PCOLCE2: variants seen among roughly 807,000 people sequenced by gnomAD.
PCOLCE2 encodes procollagen C-proteinase enhancer 2.
In PCOLCE2, 42 loss-of-function variants were observed where a neutral mutation model predicts 47.0. The ratio of observed to expected loss-of-function variants is 0.89; its 90% CI spans 0.70 to 1.16. The LOEUF is 1.16. Among genes scored for constraint, PCOLCE2 ranks in the 50% most tolerant of loss-of-function variants. The pLI, the probability that PCOLCE2 is intolerant of heterozygous loss-of-function variation, is 0.00. For missense variants in PCOLCE2, 500 were observed against 526.1 expected (o/e 0.95, Z 0.49); for synonymous variants, 169 against 191.7 (o/e 0.88, Z 0.98).
At chr3:142,855,021 T>C (rs1024470408) in intron 2 of PCOLCE2, among the ~76,000 whole-genome samples, 4 of 152,206 alleles carry the variant, frequency 2.6e-5, no homozygotes, top group Non-Finnish European at 4.4e-5. Context: ...TCCGAGCTGG[T>C]TCCCACCTAA....
intron 2 of PCOLCE2, among the ~76,000 whole-genome samples, chr3:142,885,759 G>A (rs979139551): frequency 1.3e-5 from 2 of 152,050 alleles, no homozygotes; most frequent in South Asian, 2.1e-4. Context: ...CATCTTCCAC[G>A]CAGACACCAG....
intron 5 of PCOLCE2, among the ~76,000 whole-genome samples, chr3:142,833,857 T>C (rs1937177221): frequency 6.6e-6 from 1 of 152,208 alleles, no homozygotes; most frequent in Admixed American, 6.5e-5. Flanking sequence ...ATATATGTTA[T>C]AAATATGTTT....
At chr3:142,827,344 A>G in intron 6 of PCOLCE2, 1 of 1,469,326 alleles carries the variant, frequency 6.8e-7, no homozygotes, top group Non-Finnish European at 9.5e-7. Context: ...TGGGTTTGTC[A>G]GTTCGGCCAC....
intron 2 of PCOLCE2, among the ~76,000 whole-genome samples, chr3:142,863,533 A>T (rs970186892): frequency 6.6e-6 from 1 of 152,152 alleles, no homozygotes; most frequent in African/African-American, 2.4e-5. Context: ...AAGAGAAAAC[A>T]ACGTCTGAGG....
intron 6 of PCOLCE2, chr3:142,827,691 T>TGG: frequency 8.4e-7 from 1 of 1,186,898 alleles, no homozygotes; most frequent in Non-Finnish European, 1.2e-6. Flanking sequence ...AAGACCACCT[T>TGG]GGGGAGGGGC....
chr3:142,884,382 A>G (rs191293182), intron 2 of PCOLCE2, among the ~76,000 whole-genome samples: 174 of 152,280 alleles, frequency 1.1e-3, no homozygotes, highest in Non-Finnish European at 6.6e-4. Context: ...AGGATTATAT[A>G]TACCTTAGCT....
intron 6 of PCOLCE2, among the ~76,000 whole-genome samples, chr3:142,826,165 C>T (rs773470421): frequency 3.3e-5 from 5 of 152,034 alleles, no homozygotes; most frequent in African/African-American, 4.8e-5. Context: ...CCACCACGCC[C>T]GGCTAATTTT....
chr3:142,885,218 T>C (rs1933697156), intron 2 of PCOLCE2, among the ~76,000 whole-genome samples: 2 of 152,230 alleles, frequency 1.3e-5, no homozygotes, highest in African/African-American at 2.4e-5. Context: ...GAAAACCATT[T>C]AGCGGTGAAA....
chr3:142,858,124 G>A (rs1353669241), intron 2 of PCOLCE2, among the ~76,000 whole-genome samples: 2 of 152,166 alleles, frequency 1.3e-5, no homozygotes, highest in African/African-American at 4.8e-5. Flanking sequence ...CTGGGGGGAT[G>A]TTATCTTCCC....
intron 2 of PCOLCE2, among the ~76,000 whole-genome samples, chr3:142,868,958 C>T (rs919878039): frequency 6.6e-6 from 1 of 152,138 alleles, no homozygotes; most frequent in African/African-American, 2.4e-5. Flanking sequence ...TACCCTCCTC[C>T]CTTTGGAATC....
At chr3:142,875,372 TGTTCA>T (rs1482025622) in intron 2 of PCOLCE2, among the ~76,000 whole-genome samples, 1 of 152,180 alleles carries the variant, frequency 6.6e-6, no homozygotes, top group South Asian at 2.1e-4. Context: ...CTGGTAACAG[TGTTCA>T]CCAGGTTTTT....
At chr3:142,872,402 TTCC>T (rs1345926415) in intron 2 of PCOLCE2, among the ~76,000 whole-genome samples, 2 of 152,098 alleles carry the variant, frequency 1.3e-5, no homozygotes, top group East Asian at 3.9e-4. Flanking sequence ...TCTACCCCAC[TTCC>T]TCCTCAACAA....
At chr3:142,875,266 C>A (rs944766166) in intron 2 of PCOLCE2, among the ~76,000 whole-genome samples, 2 of 152,206 alleles carry the variant, frequency 1.3e-5, no homozygotes, top group African/African-American at 4.8e-5. Context: ...AAGCTCCCAG[C>A]AGCTGATGAC....
intron 6 of PCOLCE2, chr3:142,827,055 T>A (rs1457269450): frequency 4.6e-6 from 5 of 1,085,970 alleles, no homozygotes; most frequent in Non-Finnish European, 6.9e-6. Context: ...GACTCTTACT[T>A]TTTTTTGGCA....
chr3:142,838,937 T>C (rs1299408528), intron 4 of PCOLCE2, 31 bp from the exon 5 acceptor site: 1 of 1,549,788 alleles, frequency 6.5e-7, no homozygotes, highest in East Asian at 2.2e-5. Context: ...AAGTGTCAAA[T>C]ATTAATAGCA....
chr3:142,818,299 A>G lies in PCOLCE2; in HGVS notation c.*36T>C, dbSNP rs1160868448. The G allele has an allele frequency of 1.3e-6, 2 of 1,590,782 alleles. No individual in the cohort carries two copies. Among genetic ancestry groups the G allele is most frequent in the Non-Finnish European group, 1.7e-6 (2 of 1,160,830 alleles). ...AGAGAACATAGATCTTTCAAAGGCA[A>G]TGGCAGAATACAGCTTAAATGGACA... On this transcript the variant is annotated 3_prime_UTR_variant, in exon 9 of 9. Coordinates refer to ENST00000295992, the MANE Select transcript of PCOLCE2 (RefSeq NM_013363.4).
chr3:142,881,200 A>G (rs1216170240), intron 2 of PCOLCE2, among the ~76,000 whole-genome samples: 1 of 152,230 alleles, frequency 6.6e-6, no homozygotes, highest in Non-Finnish European at 1.5e-5. Flanking sequence ...AGTGCATGAG[A>G]GTATAATGGT....
intron 2 of PCOLCE2, among the ~76,000 whole-genome samples, chr3:142,881,711 T>C (rs1361912737): frequency 3.3e-5 from 5 of 152,184 alleles, no homozygotes; most frequent in African/African-American, 1.2e-4. Flanking sequence ...TATGGTAATA[T>C]AATCTTATGG....
chr3:142,821,383 C>T (rs1937012896), intron 7 of PCOLCE2, among the ~76,000 whole-genome samples: 1 of 152,140 alleles, frequency 6.6e-6, no homozygotes, highest in South Asian at 2.1e-4. Context: ...GAGGCTCTAC[C>T]TGTGAATACT....
Sources: allele counts gnomAD v4.1 joint callset (sites outside exome capture counted in the v4.1 genomes callset), GRCh38; gene constraint gnomAD v4.1.1; transcripts MANE v1.5; gene names NCBI Gene and HGNC (gene_info 2026-07-23, HGNC 2026-07-21).